The following STPG2 variants were observed in gnomAD, a reference collection of about 807,000 sequenced individuals.
The protein encoded by STPG2 is sperm-tail PG-rich repeat-containing protein 2.
In STPG2, 56 loss-of-function variants were observed where a neutral mutation model predicts 54.2. That is an observed-to-expected ratio of 1.03 (90% confidence interval 0.83 to 1.29). The LOEUF (loss-of-function observed/expected upper bound fraction) is 1.29. STPG2 is among the 50% of genes most tolerant of loss of function. The pLI is 0.00. For missense variants in STPG2, 596 were observed against 544.9 expected, an observed-to-expected ratio of 1.09 and a Z score of -0.93; for synonymous variants, 200 against 181.8, an observed-to-expected ratio of 1.10 and a Z score of -0.81.
chr4:97,598,444 A>G (rs1733359534), intron 10 of STPG2, among the ~76,000 whole-genome samples: 1 of 152,054 alleles, frequency 6.6e-6, no homozygotes, highest in Admixed American at 6.6e-5. Flanking sequence ...CTAAGCAAAA[A>G]CAAGCAAACA....
intron 8 of STPG2, among the ~76,000 whole-genome samples, chr4:97,933,088 T>C (rs769828650): frequency 1.3e-5 from 2 of 152,224 alleles, no homozygotes; most frequent in African/African-American, 2.4e-5. Context: ...TATCTTATTG[T>C]GGTTTTGATT....
intron 4 of STPG2, among the ~76,000 whole-genome samples, chr4:97,482,861 C>A (rs1401694503): frequency 1.3e-5 from 2 of 151,700 alleles, no homozygotes; most frequent in South Asian, 2.1e-4. Context: ...GCAGATTTAT[C>A]AGCAGAAACC....
At chr4:97,678,942 A>G (rs902076824) in intron 10 of STPG2, among the ~76,000 whole-genome samples, 2 of 152,084 alleles carry the variant, frequency 1.3e-5, no homozygotes, top group Non-Finnish European at 2.9e-5. Flanking sequence ...ATGTCCCTAC[A>G]AAGGACATGA....
At position 98,143,375 on chromosome 4, in the gene STPG2, C is replaced by G. The variant is rs2110176364; in HGVS notation, c.-225G>C. 1.9e-6 allele frequency: 1 copy of G among 515,134 alleles called. No homozygotes were observed. The highest frequency in any genetic ancestry group is 3.5e-6 in the Non-Finnish European group (1 of 285,630). The allele number at this position is 515,134 out of a possible 1,614,324, so 31.9% of individuals were successfully genotyped here. A position where few individuals can be genotyped will look rare whatever the true frequency, so the allele number is the denominator to read the frequency against. Reference sequence around the variant, plus strand: ...CTCTGTGGTAAAGTAGAGGGGTGAGCGACTAGAGATTAGACGTCCCACACA... The same window carrying G: ...CTCTGTGGTAAAGTAGAGGGGTGAGGGACTAGAGATTAGACGTCCCACACA... On this transcript the variant is annotated 5_prime_UTR_variant, in exon 1 of 11. Transcript: ENST00000295268.
intron 9 of STPG2, among the ~76,000 whole-genome samples, chr4:97,796,497 G>C (rs946516057): frequency 3.9e-5 from 6 of 152,182 alleles, no homozygotes; most frequent in African/African-American, 1.4e-4. Flanking sequence ...GTTTGTCAAA[G>C]ATCAGATGGT....
At chr4:97,834,258 A>G (rs1197855973) in intron 9 of STPG2, among the ~76,000 whole-genome samples, 1 of 152,162 alleles carries the variant, frequency 6.6e-6, no homozygotes, top group Non-Finnish European at 1.5e-5. Flanking sequence ...TAACACACGA[A>G]CTGAAAACCA....
chr4:97,786,685 C>G (rs1444803601), intron 9 of STPG2, among the ~76,000 whole-genome samples: 1 of 152,058 alleles, frequency 6.6e-6, no homozygotes, highest in Non-Finnish European at 1.5e-5. Context: ...GGTGAATCAT[C>G]TCTTTGTCCA....
At chr4:98,061,795 A>G (rs2110099415) in intron 5 of STPG2, among the ~76,000 whole-genome samples, 1 of 152,290 alleles carries the variant, frequency 6.6e-6, no homozygotes, top group South Asian at 2.1e-4. Context: ...GTCAAAAAAT[A>G]ACAGATGTTG....
chr4:97,566,052 A>G (rs930750989), intron 10 of STPG2, among the ~76,000 whole-genome samples: 1 of 152,218 alleles, frequency 6.6e-6, no homozygotes, highest in Non-Finnish European at 1.5e-5. Flanking sequence ...GAGCCTACAG[A>G]GACAGGCAGG....
intron 10 of STPG2, among the ~76,000 whole-genome samples, chr4:97,699,534 A>G (rs747325729): frequency 1.3e-5 from 2 of 152,226 alleles, no homozygotes; most frequent in Non-Finnish European, 2.9e-5. Flanking sequence ...ACCATTGGTT[A>G]CAGTCCATGA....
chr4:98,002,046 C>T (rs1294001285), intron 5 of STPG2, among the ~76,000 whole-genome samples: 1 of 151,950 alleles, frequency 6.6e-6, no homozygotes, highest in African/African-American at 2.4e-5. Flanking sequence ...CTAGTGAAAT[C>T]AAAGTCTAAA....
At chr4:98,112,760 T>C (rs1209513360) in intron 3 of STPG2, among the ~76,000 whole-genome samples, 3 of 152,262 alleles carry the variant, frequency 2.0e-5, no homozygotes, top group East Asian at 1.9e-4. Context: ...TCGTCTGCTA[T>C]GTCCAAGTAG....
intron 5 of STPG2, among the ~76,000 whole-genome samples, chr4:98,039,206 C>T (rs1334157609): frequency 6.6e-6 from 1 of 151,514 alleles, no homozygotes; most frequent in Non-Finnish European, 1.5e-5. Flanking sequence ...TAGAATCAAA[C>T]TAAATGTATA....
intron 9 of STPG2, among the ~76,000 whole-genome samples, chr4:97,760,871 A>G (rs777452328): frequency 6.6e-5 from 10 of 152,134 alleles, no homozygotes; most frequent in Non-Finnish European, 1.3e-4. Context: ...TTCTTTCAGG[A>G]GGCTCTAGGA....
chr4:98,047,100 G>A (rs1298092388), intron 5 of STPG2, among the ~76,000 whole-genome samples: 1 of 151,884 alleles, frequency 6.6e-6, no homozygotes, highest in Non-Finnish European at 1.5e-5. Context: ...GCCAGAAGGA[G>A]TAGCCACTAG....
chr4:97,604,258 T>C (rs560479774), intron 10 of STPG2, among the ~76,000 whole-genome samples: 6 of 151,640 alleles, frequency 4.0e-5, no homozygotes, highest in Non-Finnish European at 8.9e-5. Context: ...AAAGGGAAGA[T>C]GACATTTCAA....
intron 10 of STPG2, among the ~76,000 whole-genome samples, chr4:97,635,548 A>AT (rs1407883121): frequency 6.6e-6 from 1 of 152,198 alleles, no homozygotes; most frequent in African/African-American, 2.4e-5. Context: ...AGACTGGCAA[A>AT]TTGGATAAAG....
chr4:97,536,117 A>T (rs1731523960), intron 4 of STPG2, among the ~76,000 whole-genome samples: 1 of 152,188 alleles, frequency 6.6e-6, no homozygotes, highest in Admixed American at 6.5e-5. Context: ...CTGAGATTAT[A>T]GGTGCATGCC....
intron 7 of STPG2, among the ~76,000 whole-genome samples, chr4:97,956,146 A>AAATACAAG (rs1733663484): frequency 6.6e-6 from 1 of 152,184 alleles, no homozygotes; most frequent in Non-Finnish European, 1.5e-5. Context: ...TAATTAAACA[A>AAATACAAG]AATACAAGAT....
Sources: allele counts gnomAD v4.1 joint callset (sites outside exome capture counted in the v4.1 genomes callset), GRCh38; gene constraint gnomAD v4.1.1; transcripts MANE v1.5; gene names NCBI Gene and HGNC (gene_info 2026-07-23, HGNC 2026-07-21).